ZNF723: variants seen among roughly 807,000 people sequenced by gnomAD.
The protein encoded by ZNF723 is zinc finger protein 723, pseudogene.
ZNF723 carries 5 observed loss-of-function variants against 9.4 expected under a neutral mutation model. That is an observed-to-expected ratio of 0.53 (90% CI 0.28 to 1.12). The LOEUF is 1.12. Ranked by LOEUF, ZNF723 falls within the 50% of genes most tolerant of loss-of-function variation. The pLI is 0.10. For missense variants in ZNF723, 450 were observed against 501.5 expected (o/e 0.90, Z 0.98); for synonymous variants, 158 against 168.8 (o/e 0.94, Z 0.49).
In ZNF723 at chr19:22,857,027, G is replaced by A. The variant is rs1424856684; in HGVS notation, c.227-91G>A. On this transcript the variant is annotated intron_variant, in intron 3 of 3. Transcript: ENST00000600766. ...ATGGTATTTTGCTATGCCATCTTATGTAGTTTGTATAATTTTATAGCTTAG... is the reference window on the plus strand; with the variant it reads ...ATGGTATTTTGCTATGCCATCTTATATAGTTTGTATAATTTTATAGCTTAG... The A allele has an allele frequency of 5.3e-6, 3 of 565,294 alleles. No individual in the cohort carries two copies. The African/African-American group carries it at 5.7e-5, about 11-fold the overall frequency. The allele number at this position is 565,294 out of a possible 1,614,324, so 35.0% of individuals were successfully genotyped here. A position where few individuals can be genotyped will look rare whatever the true frequency, so the allele number is the denominator to read the frequency against.
chr19:22,847,069 G>GATATT (rs1967322705), intron 1 of ZNF723, among the ~76,000 whole-genome samples: 3 of 142,030 alleles, frequency 2.1e-5, no homozygotes, highest in African/African-American at 7.8e-5. Flanking sequence ...TTTTTTCTTT[G>GATATT]TTATTTTATT....
chr19:22,842,979 G>C (rs1254349634), intron 1 of ZNF723, among the ~76,000 whole-genome samples: 2 of 152,172 alleles, frequency 1.3e-5, no homozygotes, highest in East Asian at 1.9e-4. Context: ...AGGGCCACCA[G>C]GTATAAATAG....
At chr19:22,846,813 C>CT (rs760924027) in intron 1 of ZNF723, among the ~76,000 whole-genome samples, 3,014 of 69,126 alleles carry the variant, frequency 0.044, 708 homozygotes, top group Non-Finnish European at 0.047. Flanking sequence ...CTATAATTTC[C>CT]TTTTTTTTTT....
intron 1 of ZNF723, among the ~76,000 whole-genome samples, chr19:22,846,362 C>T (rs944427843): frequency 1.3e-5 from 2 of 152,152 alleles, no homozygotes; most frequent in Non-Finnish European, 2.9e-5. Context: ...GTGGCTCCCA[C>T]CTGTAATCCC....
At position 22,857,954 on chromosome 19, in the gene ZNF723, C is replaced by T; in HGVS notation, c.1063C>T (p.His355Tyr). ...TGGCAAAGCATTCAGCCAGTCCTCA[C>T]ACATTACTACACATAAGAGAATTCA... is the stretch of plus-strand genomic sequence containing the variant. ...ECGKAFSQSS[H>Y]ITTHKRIHTG... The change falls in exon 4 of 4, where the codon CAC (histidine) becomes TAC (tyrosine). Residue 355 changes from histidine to tyrosine, a missense_variant. Coordinates refer to ENST00000600766, the MANE Select transcript of ZNF723 (RefSeq NM_001349726.2). 1 of 1,496,462 alleles carries T rather than the reference C, an allele frequency of 6.7e-7. No individual in the cohort carries two copies. The highest frequency in any genetic ancestry group is 9.2e-7 in the Non-Finnish European group (1 of 1,082,674). 92.7% of individuals were successfully genotyped at this position (1,496,462 alleles called of 1,614,324 possible).
the ZNF723 span, among the ~76,000 whole-genome samples, chr19:22,827,141 CT>C: frequency 2.6e-5 from 4 of 152,304 alleles, no homozygotes; most frequent in African/African-American, 9.6e-5. Flanking sequence ...AATGTAAAGG[CT>C]GTGGTTACAC....
At chr19:22,839,260 G>A (rs1165578822) in intron 1 of ZNF723, among the ~76,000 whole-genome samples, 1 of 152,172 alleles carries the variant, frequency 6.6e-6, no homozygotes, top group Non-Finnish European at 1.5e-5. Flanking sequence ...GACCATGAAT[G>A]TGCATGTGTT....
In ZNF723 at chr19:22,857,805, G is replaced by A; in HGVS notation, c.914G>A (p.Arg305Lys). Reference protein sequence around the residue: ...NVFSSLNNHKRIHTGEKPYKC... With the variant: ...NVFSSLNNHKKIHTGEKPYKC... ...TTCTCAAGCCTTAATAATCATAAGA[G>A]AATTCATACTGGAGAGAAACCCTAC... The change falls in exon 4 of 4, where the codon AGA becomes AAA. Residue 305 changes from arginine to lysine, a missense_variant. Transcript: ENST00000600766. 1 of 1,378,688 alleles carries A rather than the reference G, an allele frequency of 7.3e-7. No individual in the cohort carries two copies. 85.4% of individuals were successfully genotyped at this position (1,378,688 alleles called of 1,614,324 possible). A position where few individuals can be genotyped will look rare whatever the true frequency, so the allele number is the denominator to read the frequency against.
the ZNF723 span, among the ~76,000 whole-genome samples, chr19:22,815,067 C>T: frequency 6.6e-6 from 1 of 151,976 alleles, no homozygotes; most frequent in Non-Finnish European, 1.5e-5. Context: ...CATTTATCAC[C>T]TAGGGGATGT....
At chr19:22,847,858 T>C (rs1599477653) in intron 1 of ZNF723, among the ~76,000 whole-genome samples, 1 of 152,100 alleles carries the variant, frequency 6.6e-6, no homozygotes, top group Admixed American at 6.6e-5. Flanking sequence ...CCCAGCACTT[T>C]GGGAGGCCAA....
the ZNF723 span, among the ~76,000 whole-genome samples, chr19:22,822,095 A>C: frequency 2.0e-5 from 3 of 152,288 alleles, no homozygotes; most frequent in South Asian, 6.2e-4. Flanking sequence ...GGGTGACAAG[A>C]GCGAGACTCC....
At position 22,857,992 on chromosome 19, in the gene ZNF723, A is replaced by G; in HGVS notation, c.1101A>G (p.Lys367=). 6.5e-7 allele frequency: 1 copy of G among 1,542,346 alleles called. No individual in the cohort carries two copies. The highest frequency in any genetic ancestry group is 9.0e-7 in the Non-Finnish European group (1 of 1,115,932). The change falls in exon 4 of 4, where the codon AAA becomes AAG. Residue 367 remains lysine (K), a synonymous_variant. Transcript: ENST00000600766. ...TTHKRIHTGE[K]PYKCEECGKA... is the part of the protein sequence containing the mutation. ...ATAAGAGAATTCACACTGGAGAGAA[A>G]CCCTACAAATGTGAAGAATGTGGCA...
chr19:22,824,874 G>A, the ZNF723 span, among the ~76,000 whole-genome samples: 3 of 152,150 alleles, frequency 2.0e-5, no homozygotes, highest in Non-Finnish European at 4.4e-5. Context: ...CCTGGATGCA[G>A]CAAATTAGAG....
At chr19:22,839,803 T>C (rs1043060428) in intron 1 of ZNF723, among the ~76,000 whole-genome samples, 1 of 152,164 alleles carries the variant, frequency 6.6e-6, no homozygotes, top group Admixed American at 6.5e-5. Context: ...GATGTTTTAA[T>C]TATAGCCATT....
intron 1 of ZNF723, among the ~76,000 whole-genome samples, chr19:22,843,029 C>T (rs1313980721): frequency 6.6e-6 from 1 of 152,140 alleles, no homozygotes; most frequent in East Asian, 1.9e-4. Flanking sequence ...CAAGCATCTT[C>T]AGAGTTATAG....
chr19:22,847,934 C>G (rs888279928), intron 1 of ZNF723, among the ~76,000 whole-genome samples: 1 of 151,874 alleles, frequency 6.6e-6, no homozygotes, highest in African/African-American at 2.4e-5. Context: ...AACCCCATCT[C>G]TACTAAAAAT....
the ZNF723 span, among the ~76,000 whole-genome samples, chr19:22,824,198 GCCTTGCC>G: frequency 6.6e-6 from 1 of 152,120 alleles, no homozygotes; most frequent in African/African-American, 2.4e-5. Context: ...TCTTGCCTGG[GCCTTGCC>G]CACAGTGGGC....
intron 3 of ZNF723, among the ~76,000 whole-genome samples, chr19:22,855,095 G>T (rs1283256989): frequency 6.6e-6 from 1 of 151,748 alleles, no homozygotes; most frequent in African/African-American, 2.4e-5. Flanking sequence ...ATATTCTCTA[G>T]AATTCTTTAA....
chr19:22,846,248 G>T (rs1485121025), intron 1 of ZNF723, among the ~76,000 whole-genome samples: 2 of 152,150 alleles, frequency 1.3e-5, no homozygotes, highest in East Asian at 3.9e-4. Flanking sequence ...CCTTAGTAAA[G>T]ATGGAGAACA....
Sources: gnomAD v4.1 joint callset for allele counts (sites outside exome capture counted in the v4.1 genomes callset) on GRCh38, gnomAD v4.1.1 for gene constraint, MANE v1.5 for transcripts, NCBI Gene and HGNC (gene_info 2026-07-23, HGNC 2026-07-21) for gene names.